PCDH15: variants seen among roughly 807,000 people sequenced by gnomAD.
PCDH15 encodes the protein protocadherin-15.
In PCDH15, 129 loss-of-function variants were observed where a neutral mutation model predicts 178.5. The observed-to-expected ratio is 0.72, with a 90% CI of 0.63 to 0.84. PCDH15 has a LOEUF of 0.84. Ranked by LOEUF, PCDH15 falls within the 40% of genes least tolerant of loss-of-function variation. PCDH15 has a pLI of 0.00. For synonymous variants in PCDH15, 800 were observed against 732.0 expected (o/e 1.09, Z -1.50); for missense variants, 2,230 against 2,099.9 (o/e 1.06, Z -1.21).
chr10:55,596,648 T>A (rs980485902), intron 2 of PCDH15, among the ~76,000 whole-genome samples: 2 of 152,174 alleles, frequency 1.3e-5, no homozygotes, highest in Admixed American at 6.5e-5. Context: ...AACAGCAGTT[T>A]GTTATTTACC....
At chr10:54,981,588 A>T (rs1056373371) in intron 2 of PCDH15, among the ~76,000 whole-genome samples, 2 of 152,204 alleles carry the variant, frequency 1.3e-5, no homozygotes, top group African/African-American at 4.8e-5. Flanking sequence ...AAGAGATTTA[A>T]AATTAAACTA....
At chr10:54,971,048 T>C (rs899071933) in intron 2 of PCDH15, among the ~76,000 whole-genome samples, 37 of 152,270 alleles carry the variant, frequency 2.4e-4, no homozygotes, top group African/African-American at 8.7e-4. Context: ...CTCTAGACTT[T>C]AGGATTTTGA....
chr10:54,435,966 T>A (rs2075356612), intron 3 of PCDH15, among the ~76,000 whole-genome samples: 1 of 144,470 alleles, frequency 6.9e-6, no homozygotes, highest in Non-Finnish European at 1.5e-5. Context: ...CGAGACTCCA[T>A]CTTAAAAAAA....
intron 3 of PCDH15, among the ~76,000 whole-genome samples, chr10:54,426,552 T>C (rs1956287083): frequency 2.0e-5 from 3 of 152,198 alleles, no homozygotes; most frequent in African/African-American, 7.2e-5. Context: ...GTTTGTGGCC[T>C]GGGGGTTGGG....
chr10:54,171,480 A>G (rs1353576848), intron 13 of PCDH15, among the ~76,000 whole-genome samples: 12 of 152,064 alleles, frequency 7.9e-5, no homozygotes, highest in Non-Finnish European at 1.5e-4. Flanking sequence ...GTGCCCCCCA[A>G]AAAACTTGTC....
At chr10:55,528,983 A>T (rs566550498) in intron 2 of PCDH15, among the ~76,000 whole-genome samples, 1 of 152,174 alleles carries the variant, frequency 6.6e-6, no homozygotes, top group Non-Finnish European at 1.5e-5. Context: ...GCTAGTGATG[A>T]TGAGCATTTT....
At chr10:54,429,554 T>A (rs1393522558) in intron 3 of PCDH15, among the ~76,000 whole-genome samples, 1 of 150,984 alleles carries the variant, frequency 6.6e-6, no homozygotes, top group Non-Finnish European at 1.5e-5. Context: ...TGAATGGATT[T>A]AAAAAAAAAG....
intron 2 of PCDH15, among the ~76,000 whole-genome samples, chr10:55,456,072 G>A (rs1010549296): frequency 3.3e-5 from 5 of 152,212 alleles, no homozygotes; most frequent in Non-Finnish European, 7.4e-5. Flanking sequence ...GCATATGCCA[G>A]TTGTAGTCAA....
chr10:54,749,204 A>T (rs1435346118), intron 1 of PCDH15, among the ~76,000 whole-genome samples: 1 of 152,198 alleles, frequency 6.6e-6, no homozygotes, highest in Admixed American at 6.5e-5. Flanking sequence ...TAATCAAATA[A>T]CAATTTATTT....
At chr10:54,080,421 A>C (rs1250293085) in intron 16 of PCDH15, among the ~76,000 whole-genome samples, 2 of 152,166 alleles carry the variant, frequency 1.3e-5, no homozygotes, top group Non-Finnish European at 2.9e-5. Context: ...GATATTGTAC[A>C]CATTTTAATC....
chr10:54,429,556 A>T (rs1956708675), intron 3 of PCDH15, among the ~76,000 whole-genome samples: 1 of 151,830 alleles, frequency 6.6e-6, no homozygotes, highest in African/African-American at 2.4e-5. Context: ...AATGGATTTA[A>T]AAAAAAAGAC....
At chr10:55,356,518 G>A (rs1351685939) in intron 2 of PCDH15, among the ~76,000 whole-genome samples, 2 of 151,426 alleles carry the variant, frequency 1.3e-5, no homozygotes, top group Admixed American at 1.3e-4. Flanking sequence ...TGAATCAGAG[G>A]GATGATAAAA....
chr10:54,850,680 A>G (rs1953603105), intron 3 of PCDH15, among the ~76,000 whole-genome samples: 2 of 152,120 alleles, frequency 1.3e-5, no homozygotes, highest in Non-Finnish European at 2.9e-5. Flanking sequence ...TTGAAGAGAA[A>G]GGTTCCAACA....
chr10:55,275,120 C>A (rs896803370), intron 1 of PCDH15, among the ~76,000 whole-genome samples: 6 of 152,148 alleles, frequency 3.9e-5, no homozygotes, highest in African/African-American at 1.2e-4. Context: ...CATATTCTGA[C>A]CCCTCCATAA....
chr10:53,899,993 T>C (rs2082217795), intron 26 of PCDH15, among the ~76,000 whole-genome samples: 1 of 13,616 alleles, frequency 7.3e-5, no homozygotes, highest in Non-Finnish European at 1.2e-4. Context: ...ACTTAGACTG[T>C]GTCTTCCTCA....
At chr10:54,967,118 C>T (rs963974018) in intron 2 of PCDH15, among the ~76,000 whole-genome samples, 1 of 152,014 alleles carries the variant, frequency 6.6e-6, no homozygotes, top group East Asian at 1.9e-4. Flanking sequence ...TTTATAAATG[C>T]TGTATATTTA....
chr10:54,148,257 G>T (rs2044179939), intron 14 of PCDH15, among the ~76,000 whole-genome samples: 1 of 151,818 alleles, frequency 6.6e-6, no homozygotes, highest in Non-Finnish European at 1.5e-5. Context: ...TGTTTATCAG[G>T]TTCAGGCATA....
chr10:54,782,791 T>C (rs929308714), intron 1 of PCDH15, among the ~76,000 whole-genome samples: 11 of 151,988 alleles, frequency 7.2e-5, no homozygotes, highest in Non-Finnish European at 1.3e-4. Flanking sequence ...CCCAATATCT[T>C]TCTCTCCAGC....
intron 2 of PCDH15, among the ~76,000 whole-genome samples, chr10:54,630,927 G>C (rs2093684546): frequency 1.3e-5 from 2 of 152,150 alleles, no homozygotes; most frequent in African/African-American, 4.8e-5. Flanking sequence ...CTAAGTATCA[G>C]AGAAATACAA....
Sources: gnomAD v4.1 joint callset for allele counts (sites outside exome capture counted in the v4.1 genomes callset) on GRCh38, gnomAD v4.1.1 for gene constraint, MANE v1.5 for transcripts, NCBI Gene and HGNC (gene_info 2026-07-23, HGNC 2026-07-21) for gene names.